Variants in CEP57 observed in about 807,000 individuals in gnomAD.
CEP57 encodes the protein centrosomal protein 57.
A neutral mutation model predicts 68.0 loss-of-function variants in CEP57; 40 were observed. That is an observed-to-expected ratio of 0.59 (90% CI 0.46 to 0.77). The LOEUF is 0.77. Among genes scored for constraint, CEP57 ranks in the 30% least tolerant of loss-of-function variants. The probability of loss-of-function intolerance (pLI) is 0.00; values close to 1 mark genes in which losing one functional copy is unlikely to be tolerated. For synonymous variants in CEP57, 219 were observed against 198.7 expected (o/e 1.10, Z -0.86); for missense variants, 606 against 580.7 (o/e 1.04, Z -0.45).
intron 10 of CEP57, among the ~76,000 whole-genome samples, chr11:95,830,037 A>G (rs997296036): frequency 1.3e-5 from 2 of 152,186 alleles, no homozygotes; most frequent in African/African-American, 4.8e-5. Context: ...AAATGGAGAA[A>G]GCTGAGAAGT....
upstream of CEP57, chr11:95,790,387 G>T (rs541733528): frequency 4.2e-6 from 2 of 480,902 alleles, no homozygotes; most frequent in Non-Finnish European, 7.5e-6. Context: ...AGCGGGCCCC[G>T]TTACGCGCTA....
intron 7 of CEP57, 83 bp downstream of exon 7, chr11:95,822,061 C>T (rs1407658311): frequency 3.3e-6 from 3 of 904,404 alleles, no homozygotes; most frequent in African/African-American, 3.3e-5. Context: ...GTGTGGTGTA[C>T]TACAACCTTG....
chr11:95,810,305 GTC>G (rs1861999115), intron 2 of CEP57, among the ~76,000 whole-genome samples: 2 of 152,106 alleles, frequency 1.3e-5, no homozygotes, highest in Admixed American at 1.3e-4. Flanking sequence ...CAGGGATGCC[GTC>G]TCTCACCATT....
intron 2 of CEP57, among the ~76,000 whole-genome samples, chr11:95,809,617 C>G (rs1861961812): frequency 6.6e-6 from 1 of 152,196 alleles, no homozygotes; most frequent in Admixed American, 6.5e-5. Context: ...GGGTAAATTA[C>G]TGGACACATA....
At position 95,814,063 on chromosome 11, in the gene CEP57, G is replaced by T. The variant is rs1862191107; in HGVS notation, c.504+474G>T. 2.5e-5 allele frequency among the ~76,000 whole-genome samples: 3 copies of T among 122,326 alleles called. No individual in the cohort carries two copies. In the South Asian group the frequency reaches 7.0e-4, roughly 28 times the overall value. The allele number at this position is 122,326 out of a possible 152,430, so 80.3% of individuals were successfully genotyped here. A position where few individuals can be genotyped will look rare whatever the true frequency, so the allele number is the denominator to read the frequency against. On this transcript the variant is annotated intron_variant, in intron 4 of 10. Transcript: ENST00000325542. Reference sequence around the variant, plus strand: ...TCTCAAATATATTGATTGATCAATTGATTGGATCTCACTCTGTCTCACTCT... The same window carrying T: ...TCTCAAATATATTGATTGATCAATTTATTGGATCTCACTCTGTCTCACTCT...
chr11:95,827,937 TGTC>T lies in CEP57; in HGVS notation c.1038_1040del (p.Ser347del). ...TCACGAGGTGGTAAAAGTAAGAAGT[TGTC>T]AGTAACACCTCCCTCCTCCAACGGT... On this transcript the variant is annotated inframe_deletion, in exon 9 of 11. Transcript: ENST00000325542. The T allele has an allele frequency of 6.2e-7, 1 of 1,614,144 alleles. No individual in the cohort carries two copies. The highest frequency in any genetic ancestry group is 8.5e-7 in the Non-Finnish European group (1 of 1,180,004).
At chr11:95,808,775 G>C (rs537285714) in intron 2 of CEP57, among the ~76,000 whole-genome samples, 111 of 152,286 alleles carry the variant, frequency 7.3e-4, no homozygotes, top group Non-Finnish European at 1.3e-3. Flanking sequence ...ACACCCCACT[G>C]TCAACATTAG....
chr11:95,807,204 C>T (rs1277916929), intron 2 of CEP57, among the ~76,000 whole-genome samples: 21 of 152,170 alleles, frequency 1.4e-4, no homozygotes, highest in Admixed American at 1.4e-3. Flanking sequence ...CACCAAAACC[C>T]CATCTGCATG....
At chr11:95,817,024 AG>A (rs910021687) in intron 4 of CEP57, among the ~76,000 whole-genome samples, 1 of 151,322 alleles carries the variant, frequency 6.6e-6, no homozygotes, top group Non-Finnish European at 1.5e-5. Flanking sequence ...AAAAAAACAA[AG>A]TCTATATAGG....
At chr11:95,827,019 ACT>A (rs1473850349) in intron 8 of CEP57, 1 of 152,044 alleles carries the variant, frequency 6.6e-6, no homozygotes, top group Non-Finnish European at 1.5e-5. Flanking sequence ...CCAAACCCTA[ACT>A]CTGCAGTGAG....
At chr11:95,814,357 A>ATTTTTTT (rs1170474932) in intron 4 of CEP57, among the ~76,000 whole-genome samples, 1 of 109,922 alleles carries the variant, frequency 9.1e-6, no homozygotes, top group African/African-American at 3.5e-5. Context: ...CCTTGTGTGT[A>ATTTTTTT]TTTTTTTTTT....
intron 9 of CEP57, 36 bp downstream of exon 9, chr11:95,828,063 C>G: frequency 6.3e-7 from 1 of 1,583,004 alleles, no homozygotes; most frequent in Non-Finnish European, 8.6e-7. Context: ...TTCAGTTTAG[C>G]TCTAAAACCT....
At chr11:95,795,512 T>C (rs1362442227) in intron 1 of CEP57, 1 of 468,760 alleles carries the variant, frequency 2.1e-6, no homozygotes, top group Non-Finnish European at 3.8e-6. Context: ...TTTTTTTTTC[T>C]TAGTGTGCAG....
At chr11:95,800,114 G>A (rs1326981339) in intron 2 of CEP57, among the ~76,000 whole-genome samples, 2 of 152,134 alleles carry the variant, frequency 1.3e-5, no homozygotes. Flanking sequence ...ATCTGTGTAG[G>A]CTTATCTGGG....
chr11:95,794,356 C>T (rs1163332139), intron 1 of CEP57: 1 of 455,658 alleles, frequency 2.2e-6, no homozygotes, highest in Non-Finnish European at 4.4e-6. Context: ...ATCTGGTTCA[C>T]AGAGTATGTG....
Position 95,813,102 on chromosome 11 carries a change from C to A in CEP57, c.373C>A (p.His125Asn). 6.2e-7 allele frequency: 1 copy of A among 1,612,390 alleles called. No individual in the cohort carries two copies. Among genetic ancestry groups the A allele is most frequent in the Non-Finnish European group, 8.5e-7 (1 of 1,179,738 alleles). Residue 125 changes from histidine (H) to asparagine (N), a missense_variant, in exon 3 of 11, where the codon CAC (histidine) becomes AAC (asparagine). By Grantham distance (68) the His-to-Asn change is moderately conservative. Coordinates refer to ENST00000325542, the MANE Select transcript of CEP57 (RefSeq NM_014679.5). ...RENSKNEESK[H>N]NQELTSQLLA... ...GAATTCAAAGAATGAGGAATCAAAG[C>A]ACAATCAAGGTTTGTTGATGAAGAA...
intron 2 of CEP57, among the ~76,000 whole-genome samples, chr11:95,808,087 T>C (rs1312234790): frequency 6.6e-6 from 1 of 152,150 alleles, no homozygotes; most frequent in African/African-American, 2.4e-5. Context: ...AAAAGAATTT[T>C]CAACCCAGAA....
chr11:95,798,060 T>G (rs1017074215), intron 1 of CEP57, among the ~76,000 whole-genome samples: 1 of 152,194 alleles, frequency 6.6e-6, no homozygotes, highest in Non-Finnish European at 1.5e-5. Flanking sequence ...GCCATTAAGT[T>G]TGGAAAATGA....
chr11:95,813,740 G>A, intron 4 of CEP57, 151 bp downstream of exon 4: 2 of 835,492 alleles, frequency 2.4e-6, no homozygotes, highest in Non-Finnish European at 1.9e-6. Flanking sequence ...CTAAATATGT[G>A]ATTGGCTTTT....
Sources: gnomAD v4.1 joint callset for allele counts (sites outside exome capture counted in the v4.1 genomes callset) on GRCh38, gnomAD v4.1.1 for gene constraint, MANE v1.5 for transcripts, NCBI Gene and HGNC (gene_info 2026-07-23, HGNC 2026-07-21) for gene names.